Variants in LRRC4C observed in about 807,000 individuals in gnomAD.
LRRC4C encodes the protein leucine rich repeat containing 4C, also known as leucine-rich repeat-containing protein 4C.
In LRRC4C, 5 loss-of-function variants were observed where a neutral mutation model predicts 33.6. That is an observed-to-expected ratio of 0.15 (90% CI 0.08 to 0.31). The LOEUF (loss-of-function observed/expected upper bound fraction) is 0.31. LRRC4C is among the 10% of genes least tolerant of loss of function. The probability of loss-of-function intolerance (pLI) is 1.00; values close to 1 mark genes in which losing one functional copy is unlikely to be tolerated. For missense variants in LRRC4C, 560 were observed against 796.7 expected, an observed-to-expected ratio of 0.70 and a Z score of 3.58; for synonymous variants, 329 against 302.0, an observed-to-expected ratio of 1.09 and a Z score of -0.93.
chr11:40,325,088 C>T (rs1203833591), intron 3 of LRRC4C, among the ~76,000 whole-genome samples: 1 of 152,010 alleles, frequency 6.6e-6, no homozygotes, highest in African/African-American at 2.4e-5. Context: ...AACAGATTGG[C>T]AATGGAACGA....
At chr11:41,112,464 C>G (rs1941889797) in intron 1 of LRRC4C, among the ~76,000 whole-genome samples, 1 of 152,048 alleles carries the variant, frequency 6.6e-6, no homozygotes, top group Non-Finnish European at 1.5e-5. Context: ...GGTTACAGAT[C>G]TTTAATCTCT....
intron 3 of LRRC4C, among the ~76,000 whole-genome samples, chr11:40,354,447 T>G (rs1417913093): frequency 6.6e-6 from 1 of 152,164 alleles, no homozygotes; most frequent in African/African-American, 2.4e-5. Context: ...TGGCCCAGGT[T>G]AGAGACAGAA....
At chr11:41,208,536 A>G (rs981571223) in intron 1 of LRRC4C, among the ~76,000 whole-genome samples, 1 of 152,218 alleles carries the variant, frequency 6.6e-6, no homozygotes, top group Non-Finnish European at 1.5e-5. Flanking sequence ...TTAACTGAAG[A>G]CAGAAATAGC....
intron 5 of LRRC4C, among the ~76,000 whole-genome samples, chr11:40,237,796 G>T (rs1221234948): frequency 1.3e-5 from 2 of 152,074 alleles, no homozygotes; most frequent in Non-Finnish European, 2.9e-5. Flanking sequence ...AGTCTGATTT[G>T]ACAAAAATCA....
chr11:41,123,165 C>A (rs1391582589), intron 1 of LRRC4C, among the ~76,000 whole-genome samples: 1 of 151,652 alleles, frequency 6.6e-6, no homozygotes, highest in Admixed American at 6.6e-5. Flanking sequence ...GAAGCACCTC[C>A]AAGGAGGGTA....
intron 2 of LRRC4C, among the ~76,000 whole-genome samples, chr11:40,883,055 C>T (rs543522444): frequency 1.3e-5 from 2 of 152,134 alleles, no homozygotes; most frequent in African/African-American, 2.4e-5. Flanking sequence ...GGCTACTTTT[C>T]GCATCTCCGT....
At chr11:41,226,833 A>G (rs956756893) in intron 1 of LRRC4C, among the ~76,000 whole-genome samples, 1 of 151,716 alleles carries the variant, frequency 6.6e-6, no homozygotes, top group East Asian at 1.9e-4. Context: ...AACTACTTAA[A>G]ATAGTCCACA....
chr11:41,076,746 G>C (rs927107182), intron 1 of LRRC4C, among the ~76,000 whole-genome samples: 1 of 152,042 alleles, frequency 6.6e-6, no homozygotes, highest in South Asian at 2.1e-4. Flanking sequence ...AACCAATCAT[G>C]CCTTTTCAGC....
At chr11:40,258,985 G>A (rs1020867761) in intron 4 of LRRC4C, among the ~76,000 whole-genome samples, 2 of 152,096 alleles carry the variant, frequency 1.3e-5, no homozygotes, top group African/African-American at 2.4e-5. Flanking sequence ...CATATACCTG[G>A]CATGTATTAA....
At chr11:40,693,843 T>A (rs1945347019) in intron 2 of LRRC4C, among the ~76,000 whole-genome samples, 1 of 152,120 alleles carries the variant, frequency 6.6e-6, no homozygotes, top group Non-Finnish European at 1.5e-5. Context: ...TAGTCTATTC[T>A]CCACCAGGGA....
chr11:41,216,702 C>T (rs925781141), intron 1 of LRRC4C, among the ~76,000 whole-genome samples: 9 of 152,018 alleles, frequency 5.9e-5, no homozygotes, highest in African/African-American at 2.2e-4. Context: ...AAAATAAATC[C>T]AGATTCTTCA....
intron 4 of LRRC4C, among the ~76,000 whole-genome samples, chr11:40,311,170 G>A (rs1394615223): frequency 6.6e-6 from 1 of 152,116 alleles, no homozygotes; most frequent in Non-Finnish European, 1.5e-5. Context: ...CAGACATTCT[G>A]TTAATATCCT....
At chr11:41,115,743 G>GAT (rs1272301263) in intron 1 of LRRC4C, among the ~76,000 whole-genome samples, 1 of 152,026 alleles carries the variant, frequency 6.6e-6, no homozygotes, top group Non-Finnish European at 1.5e-5. Context: ...AGGTAATCAG[G>GAT]ATCTCCCCGG....
intron 5 of LRRC4C, among the ~76,000 whole-genome samples, chr11:40,167,207 T>C (rs1289908230): frequency 6.6e-6 from 1 of 152,148 alleles, no homozygotes; most frequent in African/African-American, 2.4e-5. Context: ...GCTTAGGTTG[T>C]CCAAAATTGG....
At chr11:40,551,099 C>T (rs950191193) in intron 3 of LRRC4C, among the ~76,000 whole-genome samples, 4 of 152,040 alleles carry the variant, frequency 2.6e-5, no homozygotes, top group African/African-American at 9.7e-5. Context: ...GCCTTTGAAT[C>T]CCTATATTCA....
At chr11:40,640,307 A>C (rs1478184590) in intron 3 of LRRC4C, among the ~76,000 whole-genome samples, 1 of 152,178 alleles carries the variant, frequency 6.6e-6, no homozygotes, top group Non-Finnish European at 1.5e-5. Context: ...TAACTTATAC[A>C]AGTCCTTTTA....
chr11:40,945,181 C>G (rs1213621232), intron 1 of LRRC4C, among the ~76,000 whole-genome samples: 1 of 150,752 alleles, frequency 6.6e-6, no homozygotes, highest in Non-Finnish European at 1.5e-5. Flanking sequence ...AGGCGCCCAC[C>G]ACCACGCCCG....
chr11:40,693,483 G>T (rs1945325978), intron 2 of LRRC4C, among the ~76,000 whole-genome samples: 1 of 151,962 alleles, frequency 6.6e-6, no homozygotes, highest in Non-Finnish European at 1.5e-5. Context: ...TGTGTAGGGT[G>T]AGGGCCGGGC....
Position 40,677,381 on chromosome 11 carries a change from G to A in LRRC4C, c.-406-29103C>T, listed in dbSNP as rs142202881. On this transcript the variant is annotated intron_variant, in intron 2 of 6. Coordinates refer to ENST00000528697, the MANE Select transcript of LRRC4C (RefSeq NM_001258419.2). ...AGCCTGGGTGGCAGAGCAAGACTCT[G>A]TCTCAACTCAAACAAAACAAGACAA... Among the ~76,000 whole-genome samples the A allele has an allele frequency of 6.8e-3, 1,036 of 152,174 alleles. 17 individuals are homozygous for A. Among genetic ancestry groups the A allele is most frequent in the African/African-American group, 0.024 (996 of 41,510 alleles).
Sources: gnomAD v4.1 joint callset for allele counts (sites outside exome capture counted in the v4.1 genomes callset) on GRCh38, gnomAD v4.1.1 for gene constraint, MANE v1.5 for transcripts, NCBI Gene and HGNC (gene_info 2026-07-23, HGNC 2026-07-21) for gene names.